The following LIFR variants were observed in gnomAD, a reference collection of about 807,000 sequenced individuals.
LIFR encodes leukemia inhibitory factor receptor.
LIFR carries 84 observed loss-of-function variants against 122.2 expected under a neutral mutation model. That is an observed-to-expected ratio of 0.69 (90% confidence interval 0.58 to 0.82). The LOEUF is 0.82. Among genes scored for constraint, LIFR ranks in the 40% least tolerant of loss-of-function variants. The probability of loss-of-function intolerance (pLI) is 0.00; values close to 1 mark genes in which losing one functional copy is unlikely to be tolerated. For synonymous variants in LIFR, 422 were observed against 434.7 expected, an observed-to-expected ratio of 0.97 and a Z score of 0.36; for missense variants, 1,294 against 1,311.6, an observed-to-expected ratio of 0.99 and a Z score of 0.21.
exon 1 of LIFR, chr5:38,608,201 T>C (rs1276312937): frequency 6.6e-6 from 1 of 152,154 alleles, no homozygotes; most frequent in Non-Finnish European, 1.5e-5. Context: ...CTCCATTTAG[T>C]TGAATTTCTA....
chr5:38,530,456 T>C (rs1746941392), intron 2 of LIFR, 50 bp downstream of exon 2: 1 of 1,537,824 alleles, frequency 6.5e-7, no homozygotes, highest in Non-Finnish European at 9.0e-7. Context: ...GTCATCAAAA[T>C]GGAAATAAAA....
chr5:38,569,518 G>C (rs1749139760), intron 1 of LIFR, among the ~76,000 whole-genome samples: 1 of 152,152 alleles, frequency 6.6e-6, no homozygotes, highest in Admixed American at 6.5e-5. Context: ...GCACATGTAA[G>C]GGATCTAGGT....
At position 38,523,562 on chromosome 5, in the gene LIFR, C is replaced by G. The variant is rs1190894353; in HGVS notation, c.418G>C (p.Glu140Gln). 1 of 1,612,832 alleles carries G rather than the reference C, an allele frequency of 6.2e-7. No individual in the cohort carries two copies. The highest frequency in any genetic ancestry group is 1.7e-5 in the Admixed American group (1 of 59,988). The change falls in exon 5 of 20, where the codon GAG becomes CAG. Residue 140 changes from glutamate to glutamine, a missense_variant. Coordinates refer to ENST00000453190, the MANE Select transcript of LIFR (RefSeq NM_001127671.2). ...QNVSLIPDTP[E>Q]ILNLSADFST... is the part of the protein sequence containing the mutation. ...AAATCAGCAGACAAATTCAAGATCT[C>G]TGGAGTATCTGGAATTAAGGCTTTA... is the stretch of plus-strand genomic sequence containing the variant.
At chr5:38,582,815 G>A (rs1338926129) in intron 1 of LIFR, among the ~76,000 whole-genome samples, 4 of 152,136 alleles carry the variant, frequency 2.6e-5, no homozygotes, top group Non-Finnish European at 5.9e-5. Context: ...ATGCTTACTT[G>A]GTTTCCTTCT....
At chr5:38,580,917 T>C (rs1329444823) in intron 1 of LIFR, among the ~76,000 whole-genome samples, 1 of 152,142 alleles carries the variant, frequency 6.6e-6, no homozygotes, top group Non-Finnish European at 1.5e-5. Flanking sequence ...TTTCTAGGCT[T>C]CTGAGAGTGG....
At position 38,538,164 on chromosome 5, in the gene LIFR, T is replaced by C. The variant is rs1048984493; in HGVS notation, c.-19-7498A>G. On this transcript the variant is annotated intron_variant, in intron 1 of 19. Transcript: ENST00000453190. ...ACTTATCCCAACACCACTTATTAGG[T>C]AATCCATTCCTTCTCTCACTGACTT... Among the ~76,000 whole-genome samples, 4 of 152,224 alleles carry C rather than the reference T, an allele frequency of 2.6e-5. No individual in the cohort carries two copies. In the South Asian group the frequency reaches 8.3e-4, roughly 31 times the overall value.
intron 1 of LIFR, among the ~76,000 whole-genome samples, chr5:38,607,294 G>A (rs1401301809): frequency 6.6e-6 from 1 of 152,162 alleles, no homozygotes; most frequent in African/African-American, 2.4e-5. Flanking sequence ...TGGGCTCATT[G>A]TGCCTCGCAT....
chr5:38,531,726 A>T (rs1033974651), intron 1 of LIFR, among the ~76,000 whole-genome samples: 8 of 152,202 alleles, frequency 5.3e-5, no homozygotes, highest in African/African-American at 1.9e-4. Context: ...GACTTGATAA[A>T]GGAAAGGAGA....
intron 6 of LIFR, among the ~76,000 whole-genome samples, chr5:38,511,473 G>GT (rs200608876): frequency 2.5e-3 from 357 of 142,268 alleles, no homozygotes; most frequent in African/African-American, 5.2e-3. Context: ...GAACTGTTTT[G>GT]TTTTTTTTTT....
chr5:38,478,150 G>A lies in LIFR; in HGVS notation c.*3445C>T, dbSNP rs1043622981. ...CCCAAATATAAAAAGGACTTGCAAT[G>A]TTTGTTAAATATGGACGGCATGAAG... is the stretch of plus-strand genomic sequence containing the variant. On this transcript the variant is annotated 3_prime_UTR_variant, in exon 20 of 20. Coordinates refer to ENST00000453190, the MANE Select transcript of LIFR (RefSeq NM_001127671.2). 4.8e-6 allele frequency: 1 copy of A among 208,890 alleles called. No individual in the cohort carries two copies. The highest frequency in any genetic ancestry group is 5.9e-5 in the Admixed American group (1 of 16,944). 12.9% of individuals were successfully genotyped at this position (208,890 alleles called of 1,614,324 possible).
upstream of LIFR, chr5:38,556,680 G>C (rs1185870499): frequency 7.0e-4 from 102 of 145,698 alleles, no homozygotes; most frequent in African/African-American, 2.4e-3. Context: ...CACGCCGCTC[G>C]GCTGGGGGCG....
intron 1 of LIFR, among the ~76,000 whole-genome samples, chr5:38,534,353 GAAAT>G (rs1160737771): frequency 6.6e-6 from 1 of 152,028 alleles, no homozygotes; most frequent in Non-Finnish European, 1.5e-5. Context: ...TTAAAAGAAA[GAAAT>G]ACTTACGAAA....
upstream of LIFR, among the ~76,000 whole-genome samples, chr5:38,599,572 T>G (rs1201064888): frequency 1.3e-5 from 2 of 152,088 alleles, no homozygotes; most frequent in African/African-American, 2.4e-5. Flanking sequence ...GGGATAAAAG[T>G]GTGGAGTGGA....
chr5:38,558,084 T>C (rs1748678317), upstream of LIFR: 1 of 152,142 alleles, frequency 6.6e-6, no homozygotes, highest in Non-Finnish European at 1.5e-5. Flanking sequence ...AATATTTTAA[T>C]TTCTTTTCAA....
chr5:38,585,661 G>C (rs1385293806), intron 1 of LIFR, among the ~76,000 whole-genome samples: 1 of 152,126 alleles, frequency 6.6e-6, no homozygotes, highest in Non-Finnish European at 1.5e-5. Context: ...TTCTAAAATA[G>C]AGGGACACAC....
chr5:38,538,480 G>T (rs1747407578), intron 1 of LIFR, among the ~76,000 whole-genome samples: 1 of 152,168 alleles, frequency 6.6e-6, no homozygotes, highest in Non-Finnish European at 1.5e-5. Flanking sequence ...GGATATTTCA[G>T]ATTCCTCAAA....
chr5:38,596,483 A>G (rs1176018767), upstream of LIFR, among the ~76,000 whole-genome samples: 1 of 152,194 alleles, frequency 6.6e-6, no homozygotes, highest in Non-Finnish European at 1.5e-5. Context: ...CCAATTCACT[A>G]TCTGGGATGG....
chr5:38,560,463 T>C (rs956365330), upstream of LIFR, among the ~76,000 whole-genome samples: 1 of 152,228 alleles, frequency 6.6e-6, no homozygotes, highest in Non-Finnish European at 1.5e-5. Flanking sequence ...AAATAGTATC[T>C]GCTCAAAATT....
In LIFR at chr5:38,523,289, T is replaced by C. The variant is rs753236907; in HGVS notation, c.561+130A>G. 1.1e-5 allele frequency: 8 copies of C among 698,040 alleles called. No individual in the cohort carries two copies. The African/African-American group carries it at 1.2e-4, about 11-fold the overall frequency. 43.2% of individuals were successfully genotyped at this position (698,040 alleles called of 1,614,324 possible). Reference sequence around the variant, plus strand: ...TTTAAATCATGCATGATGTTTTTAATGAACCCTGAAAGGTATCTGATTTAC... The same window carrying C: ...TTTAAATCATGCATGATGTTTTTAACGAACCCTGAAAGGTATCTGATTTAC... On this transcript the variant is annotated intron_variant, in intron 5 of 19. Coordinates refer to ENST00000453190, the MANE Select transcript of LIFR (RefSeq NM_001127671.2).
Sources: gnomAD v4.1 joint callset for allele counts (sites outside exome capture counted in the v4.1 genomes callset) on GRCh38, gnomAD v4.1.1 for gene constraint, MANE v1.5 for transcripts, NCBI Gene and HGNC (gene_info 2026-07-23, HGNC 2026-07-21) for gene names.